The following ATP11B variants were observed in gnomAD, a reference collection of about 807,000 sequenced individuals.
ATP11B encodes the protein ATPase phospholipid transporting 11B (putative).
A neutral mutation model predicts 157.8 loss-of-function variants in ATP11B; 81 were observed. That is an observed-to-expected ratio of 0.51 (90% CI 0.43 to 0.62). The LOEUF is 0.62. Ranked by LOEUF, ATP11B falls within the 20% of genes least tolerant of loss-of-function variation. ATP11B has a pLI of 0.00. For synonymous variants in ATP11B, 451 were observed against 469.4 expected, an observed-to-expected ratio of 0.96 and a Z score of 0.51; for missense variants, 1,165 against 1,402.2, an observed-to-expected ratio of 0.83 and a Z score of 2.70.
chr3:182,893,132 T>C (rs186046671), intron 25 of ATP11B, among the ~76,000 whole-genome samples: 1 of 152,378 alleles, frequency 6.6e-6, no homozygotes, highest in African/African-American at 2.4e-5. Context: ...CAAGAAGTCA[T>C]AGATTAGTAA....
intron 27 of ATP11B, among the ~76,000 whole-genome samples, chr3:182,898,100 T>G (rs946824997): frequency 3.9e-5 from 6 of 152,246 alleles, no homozygotes; most frequent in East Asian, 1.9e-4. Flanking sequence ...GATACTCTTA[T>G]GAATATTTCT....
chr3:182,870,927 G>GA lies in ATP11B; in HGVS notation c.1867-1412dup, dbSNP rs756934976. ...TGGGCAACAGAGCAAGTCTCCGTCT[G>GA]AAAAAAAAAAAAAAAAAGAAATCTG... is the stretch of plus-strand genomic sequence containing the variant. On this transcript the variant is annotated intron_variant, in intron 17 of 29. Coordinates refer to ENST00000323116, the MANE Select transcript of ATP11B (RefSeq NM_014616.3). 6.0e-3 allele frequency among the ~76,000 whole-genome samples: 617 copies of GA among 102,568 alleles called. 5 individuals are homozygous for GA. The highest frequency in any genetic ancestry group is 0.022 in the African/African-American group (513 of 22,876). The allele number at this position is 102,568 out of a possible 152,430, so 67.3% of individuals were successfully genotyped here. A position where few individuals can be genotyped will look rare whatever the true frequency, so the allele number is the denominator to read the frequency against.
intron 2 of ATP11B, among the ~76,000 whole-genome samples, chr3:182,825,875 G>A (rs7645426): frequency 0.63 from 95,633 of 151,978 alleles, 31,919 homozygotes; most frequent in Non-Finnish European, 0.76. Context: ...ACTCCAGCCT[G>A]GGCAGACAGA....
At chr3:182,862,559 A>G (rs1720924181) in intron 12 of ATP11B, among the ~76,000 whole-genome samples, 1 of 152,126 alleles carries the variant, frequency 6.6e-6, no homozygotes, top group Admixed American at 6.5e-5. Flanking sequence ...GAAGTTTGCA[A>G]CTTTTAAAGA....
At chr3:182,916,455 T>A in intron 29 of ATP11B, 1 of 985,386 alleles carries the variant, frequency 1.0e-6, no homozygotes, top group Non-Finnish European at 1.2e-6. Context: ...TACATTTTAT[T>A]AATTGATGTT....
chr3:182,816,259 A>T (rs549980410), intron 1 of ATP11B, among the ~76,000 whole-genome samples: 1 of 152,232 alleles, frequency 6.6e-6, no homozygotes, highest in African/African-American at 2.4e-5. Flanking sequence ...AGACATTAAC[A>T]TAAAGCCAGG....
intron 2 of ATP11B, among the ~76,000 whole-genome samples, chr3:182,822,709 G>A (rs148809709): frequency 2.6e-5 from 4 of 152,250 alleles, no homozygotes; most frequent in East Asian, 3.9e-4. Context: ...TTCCACAATC[G>A]TTGAACTAGT....
At position 182,837,282 on chromosome 3, in the gene ATP11B, G is replaced by A. The variant is rs1030318683; in HGVS notation, c.656+108G>A. On this transcript the variant is annotated intron_variant, in intron 7 of 29. Transcript: ENST00000323116. ...CTTTAGCTAATTGGAGACTGTATTT[G>A]TGGGGTGGGTTGGTGGGAGATGCAA... 2.2e-5 allele frequency: 17 copies of A among 781,302 alleles called. No individual in the cohort carries two copies. In the East Asian group the frequency reaches 4.9e-4, roughly 23 times the overall value. 48.4% of individuals were successfully genotyped at this position (781,302 alleles called of 1,614,324 possible). A position where few individuals can be genotyped will look rare whatever the true frequency, so the allele number is the denominator to read the frequency against.
chr3:182,920,315 T>G lies in ATP11B; in HGVS notation c.*2211T>G, dbSNP rs1362717379. ...TAGTGTGCTCATCCTGAACTGTTAC[T>G]CCAAATCCACTCCGTTTTTAAAGCA... On this transcript the variant is annotated 3_prime_UTR_variant, in exon 30 of 30. Coordinates refer to ENST00000323116, the MANE Select transcript of ATP11B (RefSeq NM_014616.3). 6.6e-6 allele frequency: 1 copy of G among 152,214 alleles called. No individual in the cohort carries two copies. Among genetic ancestry groups the G allele is most frequent in the Non-Finnish European group, 1.5e-5 (1 of 68,038 alleles). 9.4% of individuals were successfully genotyped at this position (152,214 alleles called of 1,614,324 possible).
chr3:182,823,472 A>G (rs983893365), intron 2 of ATP11B, among the ~76,000 whole-genome samples: 4 of 151,878 alleles, frequency 2.6e-5, no homozygotes, highest in African/African-American at 9.7e-5. Context: ...CCATTGGTCT[A>G]TATATCTGTT....
Position 182,916,513 on chromosome 3 carries a change from A to G in ATP11B, c.3453-1510A>G, listed in dbSNP as rs1207943747. ...CAAGCTCAGTTTCAAAGAGAGCATC[A>G]TGGTGCTATATAAAGAATATGCCAT... is the stretch of plus-strand genomic sequence containing the variant. On this transcript the variant is annotated intron_variant, in intron 29 of 29. Coordinates refer to ENST00000323116, the MANE Select transcript of ATP11B (RefSeq NM_014616.3). 1.0e-5 allele frequency: 10 copies of G among 985,252 alleles called. No individual in the cohort carries two copies. The East Asian group carries it at 3.4e-4, about 33-fold the overall frequency. The allele number at this position is 985,252 out of a possible 1,614,324, so 61.0% of individuals were successfully genotyped here.
chr3:182,866,513 C>G, intron 14 of ATP11B, 70 bp downstream of exon 14: 1 of 1,276,324 alleles, frequency 7.8e-7, no homozygotes, highest in Non-Finnish European at 1.0e-6. Context: ...TTAGAATCAT[C>G]ATTTAAAATT....
chr3:182,847,330 C>T (rs571067346), intron 9 of ATP11B, among the ~76,000 whole-genome samples: 15 of 152,156 alleles, frequency 9.9e-5, no homozygotes, highest in Non-Finnish European at 2.1e-4. Flanking sequence ...TGAGCCACTG[C>T]GCCCGGCCAA....
At chr3:182,794,914 G>T (rs1019003088) in intron 1 of ATP11B, among the ~76,000 whole-genome samples, 1 of 152,012 alleles carries the variant, frequency 6.6e-6, no homozygotes, top group South Asian at 2.1e-4. Context: ...TTTGTGGGAC[G>T]AAAGCACTGA....
intron 12 of ATP11B, among the ~76,000 whole-genome samples, chr3:182,863,249 G>A (rs1321732399): frequency 1.3e-5 from 2 of 152,056 alleles, no homozygotes; most frequent in African/African-American, 4.8e-5. Flanking sequence ...AATAATTTAT[G>A]TTAAATATTA....
intron 19 of ATP11B, among the ~76,000 whole-genome samples, chr3:182,874,729 C>G (rs924941895): frequency 6.6e-6 from 1 of 152,072 alleles, no homozygotes; most frequent in Non-Finnish European, 1.5e-5. Context: ...AACTTTGAAC[C>G]CCAATTAAAC....
chr3:182,841,928 G>A lies in ATP11B; in HGVS notation c.657-147G>A, dbSNP rs184788048. 6.8e-5 allele frequency: 33 copies of A among 485,646 alleles called. 1 individual carries two copies. The highest frequency in any genetic ancestry group is 6.2e-4 in the African/African-American group (28 of 44,950). 30.1% of individuals were successfully genotyped at this position (485,646 alleles called of 1,614,324 possible). The stretch of plus-strand genomic sequence containing the variant: ...CAGGAAGCAGAGCTTGCAGTGAGCC[G>A]AGATCGCACCACTGCACTCCAGCCT... On this transcript the variant is annotated intron_variant, in intron 7 of 29. Transcript: ENST00000323116.
chr3:182,797,828 T>G (rs1715726744), intron 1 of ATP11B, among the ~76,000 whole-genome samples: 1 of 152,240 alleles, frequency 6.6e-6, no homozygotes, highest in Non-Finnish European at 1.5e-5. Flanking sequence ...TTTGTTTCTT[T>G]TTACTTTTTT....
At chr3:182,849,037 G>C (rs1431974635) in intron 10 of ATP11B, among the ~76,000 whole-genome samples, 1 of 152,202 alleles carries the variant, frequency 6.6e-6, no homozygotes, top group South Asian at 2.1e-4. Context: ...AGTATCAGAG[G>C]ACAAGGTTAA....
Sources: allele counts gnomAD v4.1 joint callset (sites outside exome capture counted in the v4.1 genomes callset), GRCh38; gene constraint gnomAD v4.1.1; transcripts MANE v1.5; gene names NCBI Gene and HGNC (gene_info 2026-07-23, HGNC 2026-07-21).